The following SNTG1 variants were observed in gnomAD, a reference collection of about 807,000 sequenced individuals.
The protein encoded by SNTG1 is gamma-1-syntrophin.
Under a neutral mutation model 74.7 loss-of-function variants are expected in SNTG1, and 39 were observed. The observed-to-expected ratio is 0.52, with a 90% CI of 0.40 to 0.68. The LOEUF is 0.68. Ranked by LOEUF, SNTG1 falls within the 30% of genes least tolerant of loss-of-function variation. SNTG1 has a pLI of 0.00. For missense variants in SNTG1, 685 were observed against 609.5 expected (o/e 1.12, Z -1.30); for synonymous variants, 254 against 217.1 (o/e 1.17, Z -1.49).
chr8:50,540,832 ATTC>A (rs1772585359), intron 11 of SNTG1, among the ~76,000 whole-genome samples: 1 of 152,000 alleles, frequency 6.6e-6, no homozygotes, highest in African/African-American at 2.4e-5. Flanking sequence ...CTACTTGTAT[ATTC>A]TTCTATCCTA....
At chr8:50,603,425 T>A (rs1482888757) in intron 13 of SNTG1, among the ~76,000 whole-genome samples, 1 of 152,212 alleles carries the variant, frequency 6.6e-6, no homozygotes, top group East Asian at 1.9e-4. Context: ...TGTGTTGTCT[T>A]AAATCGCTTT....
At position 50,394,233 on chromosome 8, in the gene SNTG1, C is replaced by A; in HGVS notation, c.-6C>A. On this transcript the variant is annotated 5_prime_UTR_variant, in exon 3 of 19. Transcript: ENST00000642720. ...TCAGACGACATCCTTTGTGGTGCCACAGCACATGGATTTCAGAACCGCCTG... is the reference window on the plus strand; with the variant it reads ...TCAGACGACATCCTTTGTGGTGCCAAAGCACATGGATTTCAGAACCGCCTG... 6.2e-7 allele frequency: 1 copy of A among 1,612,914 alleles called. No homozygotes were observed. The highest frequency in any genetic ancestry group is 1.1e-5 in the South Asian group (1 of 90,928).
At chr8:49,938,965 T>G (rs1808429979) in intron 1 of SNTG1, among the ~76,000 whole-genome samples, 1 of 152,108 alleles carries the variant, frequency 6.6e-6, no homozygotes, top group Admixed American at 6.5e-5. Context: ...TTTACCAGTC[T>G]GTCTCCTAGA....
At chr8:50,169,828 C>T (rs2082742720) in intron 1 of SNTG1, among the ~76,000 whole-genome samples, 1 of 152,078 alleles carries the variant, frequency 6.6e-6, no homozygotes, top group South Asian at 2.1e-4. Flanking sequence ...GTAATCCCAG[C>T]TACTTGGGTG....
chr8:50,484,208 C>T (rs35093306), intron 8 of SNTG1, among the ~76,000 whole-genome samples: 20,173 of 85,438 alleles, frequency 0.24, 3,772 homozygotes, highest in African/African-American at 0.38. Context: ...TTCCTTCCTT[C>T]CTTCCTTCTT....
chr8:50,025,295 T>C (rs998517370), intron 1 of SNTG1, among the ~76,000 whole-genome samples: 1 of 152,190 alleles, frequency 6.6e-6, no homozygotes, highest in Non-Finnish European at 1.5e-5. Flanking sequence ...CACTTTCTCA[T>C]TAATCTTAAT....
At chr8:50,501,826 G>T (rs1034927234) in intron 8 of SNTG1, among the ~76,000 whole-genome samples, 1 of 151,536 alleles carries the variant, frequency 6.6e-6, no homozygotes, top group Non-Finnish European at 1.5e-5. Flanking sequence ...CTTTAATTGC[G>T]GTTGAACAAG....
chr8:49,999,086 T>C (rs1814510593), intron 1 of SNTG1, among the ~76,000 whole-genome samples: 1 of 152,190 alleles, frequency 6.6e-6, no homozygotes, highest in African/African-American at 2.4e-5. Context: ...CTTTCATATA[T>C]GGTGTTTCTT....
chr8:50,082,219 A>C lies in SNTG1; in HGVS notation c.-102-90342A>C, dbSNP rs1036278202. ...TTTCTTTAGTTATTTGAATATATTTATAATAGCTGCCTTGAAGTCTTTGCT... is the reference window on the plus strand; with the variant it reads ...TTTCTTTAGTTATTTGAATATATTTCTAATAGCTGCCTTGAAGTCTTTGCT... On this transcript the variant is annotated intron_variant, in intron 1 of 18. Transcript: ENST00000642720. Among the ~76,000 whole-genome samples the C allele has an allele frequency of 2.0e-5, 3 of 152,260 alleles. No individual in the cohort carries two copies. In the South Asian group the frequency reaches 6.2e-4, roughly 32 times the overall value.
At chr8:50,146,838 T>TA (rs1265747320) in intron 1 of SNTG1, among the ~76,000 whole-genome samples, 1 of 152,208 alleles carries the variant, frequency 6.6e-6, no homozygotes, top group African/African-American at 2.4e-5. Flanking sequence ...AAGTGTCTGT[T>TA]AAAAGTCTTG....
At chr8:50,085,200 AAT>A (rs1488462907) in intron 1 of SNTG1, among the ~76,000 whole-genome samples, 1 of 152,194 alleles carries the variant, frequency 6.6e-6, no homozygotes, top group Non-Finnish European at 1.5e-5. Flanking sequence ...GGATATTAAG[AAT>A]ATAGAGAAAA....
intron 13 of SNTG1, among the ~76,000 whole-genome samples, chr8:50,626,681 G>A (rs113667533): frequency 0.043 from 6,553 of 152,292 alleles, 244 homozygotes; most frequent in African/African-American, 0.094. Flanking sequence ...TATTGTTTGT[G>A]GCTTAGGAAT....
chr8:50,440,001 A>T (rs1274581230), intron 5 of SNTG1, among the ~76,000 whole-genome samples: 2 of 151,466 alleles, frequency 1.3e-5, no homozygotes, highest in Non-Finnish European at 3.0e-5. Context: ...AAAATGCCAC[A>T]TTTTAACCTA....
chr8:50,616,596 A>G (rs1169841935), intron 13 of SNTG1, among the ~76,000 whole-genome samples: 1 of 152,150 alleles, frequency 6.6e-6, no homozygotes, highest in Non-Finnish European at 1.5e-5. Context: ...GAGAACAACC[A>G]AGTCCTTTTT....
chr8:50,707,758 T>C, intron 16 of SNTG1: 1 of 276,974 alleles, frequency 3.6e-6, no homozygotes, highest in East Asian at 5.7e-5. Flanking sequence ...ATATTTTTCA[T>C]GATTGGAATA....
chr8:50,406,861 C>T (rs954167261), intron 4 of SNTG1, among the ~76,000 whole-genome samples: 1 of 152,060 alleles, frequency 6.6e-6, no homozygotes, highest in Admixed American at 6.6e-5. Context: ...CCTGAAAGTA[C>T]TTCCTGGGAC....
chr8:50,460,001 ATTTGT>A (rs1449416568), intron 8 of SNTG1, among the ~76,000 whole-genome samples: 1 of 152,076 alleles, frequency 6.6e-6, no homozygotes, highest in Non-Finnish European at 1.5e-5. Context: ...CTGTAAAATG[ATTTGT>A]TTTATTTTGG....
chr8:50,448,454 C>T (rs902981068), intron 5 of SNTG1, among the ~76,000 whole-genome samples: 2 of 152,016 alleles, frequency 1.3e-5, no homozygotes, highest in Admixed American at 1.3e-4. Context: ...ATACTTGAAA[C>T]AAAAGCTTAG....
intron 2 of SNTG1, among the ~76,000 whole-genome samples, chr8:50,196,281 G>A (rs1279032818): frequency 1.3e-5 from 2 of 152,102 alleles, no homozygotes; most frequent in Non-Finnish European, 2.9e-5. Flanking sequence ...TTTATGGCTA[G>A]CAACTGGTAT....
Sources: gnomAD v4.1 joint callset for allele counts (sites outside exome capture counted in the v4.1 genomes callset) on GRCh38, gnomAD v4.1.1 for gene constraint, MANE v1.5 for transcripts, NCBI Gene and HGNC (gene_info 2026-07-23, HGNC 2026-07-21) for gene names.